The following EFR3B variants were observed in gnomAD, a reference collection of about 807,000 sequenced individuals.
EFR3B encodes protein EFR3 homolog B.
EFR3B carries 64 observed loss-of-function variants against 104.7 expected under a neutral mutation model. The observed-to-expected ratio is 0.61, with a 90% CI of 0.50 to 0.75. The LOEUF is 0.75. Ranked by LOEUF, EFR3B falls within the 30% of genes least tolerant of loss-of-function variation. EFR3B has a pLI of 0.00. For missense variants in EFR3B, 750 were observed against 1,078.5 expected (o/e 0.70, Z 4.27); for synonymous variants, 385 against 417.9 (o/e 0.92, Z 0.96).
At chr2:25,132,277 G>A (rs908348234) in intron 10 of EFR3B, among the ~76,000 whole-genome samples, 13 of 152,190 alleles carry the variant, frequency 8.5e-5, no homozygotes, top group Middle Eastern at 3.2e-3. Flanking sequence ...AGTCTCAGGC[G>A]AACCTTCTTT....
intron 1 of EFR3B, among the ~76,000 whole-genome samples, chr2:25,063,044 C>T (rs1168211945): frequency 6.6e-6 from 1 of 152,180 alleles, no homozygotes; most frequent in Admixed American, 6.5e-5. Context: ...CTGCCTCAGC[C>T]TCCCGAGTAG....
At chr2:25,135,244 G>A (rs1216156313) in intron 12 of EFR3B, among the ~76,000 whole-genome samples, 7 of 152,108 alleles carry the variant, frequency 4.6e-5, no homozygotes, top group Admixed American at 1.3e-4. Context: ...GTCCCTGCAC[G>A]CTGTCCCCAT....
intron 1 of EFR3B, among the ~76,000 whole-genome samples, chr2:25,078,630 A>G (rs1337834639): frequency 6.6e-6 from 1 of 152,220 alleles, no homozygotes; most frequent in Non-Finnish European, 1.5e-5. Flanking sequence ...AGGTCAGAAG[A>G]AAATGAGACC....
At chr2:25,135,679 G>C in intron 13 of EFR3B, 40 bp downstream of exon 13, 1 of 1,549,880 alleles carries the variant, frequency 6.5e-7, no homozygotes, top group Non-Finnish European at 8.7e-7. Flanking sequence ...GCAAGATGGG[G>C]AGAGGACTCT....
chr2:25,111,448 A>G (rs966810591), intron 4 of EFR3B, among the ~76,000 whole-genome samples: 1 of 151,090 alleles, frequency 6.6e-6, no homozygotes, highest in Non-Finnish European at 1.5e-5. Context: ...CACTCCCTTC[A>G]CTTCCTCAGG....
intron 1 of EFR3B, among the ~76,000 whole-genome samples, chr2:25,048,556 G>A (rs1667782429): frequency 6.6e-6 from 1 of 152,126 alleles, no homozygotes; most frequent in Non-Finnish European, 1.5e-5. Flanking sequence ...CCCTTCAAAT[G>A]GATTGGTCAA....
At chr2:25,142,315 C>T (rs1232456859) in intron 17 of EFR3B, among the ~76,000 whole-genome samples, 4 of 151,840 alleles carry the variant, frequency 2.6e-5, no homozygotes, top group African/African-American at 7.2e-5. Flanking sequence ...TGGTGGCGCA[C>T]ACCTGTAGTC....
intron 6 of EFR3B, among the ~76,000 whole-genome samples, chr2:25,129,264 C>T (rs1416379949): frequency 6.7e-6 from 1 of 149,230 alleles, no homozygotes; most frequent in African/African-American, 2.5e-5. Flanking sequence ...GCTATCTGTG[C>T]ACTAGGCTAG....
intron 4 of EFR3B, among the ~76,000 whole-genome samples, chr2:25,120,416 C>T (rs566361426): frequency 8.6e-5 from 13 of 151,966 alleles, no homozygotes; most frequent in East Asian, 3.9e-4. Context: ...GAGGCTGAGG[C>T]GGGCGGATCA....
chr2:25,110,265 C>A (rs2149195185), intron 4 of EFR3B, among the ~76,000 whole-genome samples: 1 of 152,296 alleles, frequency 6.6e-6, no homozygotes, highest in Non-Finnish European at 1.5e-5. Context: ...AGCCACCCGG[C>A]CTTCTCTACC....
chr2:25,106,279 A>G (rs1573206688), intron 4 of EFR3B, among the ~76,000 whole-genome samples: 2 of 149,654 alleles, frequency 1.3e-5, no homozygotes, highest in Non-Finnish European at 3.0e-5. Flanking sequence ...TACTTCATCC[A>G]GTAGCCACCT....
Position 25,046,506 on chromosome 2 carries a change from C to CTTTTTTTTTTTTTTTTTTTTTTTT in EFR3B, c.7+4203_7+4204insTTTTTTTTTTTTTTTTTTTTTTTT, listed in dbSNP as rs531667109. On this transcript the variant is annotated intron_variant, in intron 1 of 22. Coordinates refer to ENST00000403714, the MANE Select transcript of EFR3B (RefSeq NM_014971.2). ...GCAGGCTCCCCCTGAAGTACAAAGT[C>CTTTTTTTTTTTTTTTTTTTTTTTT]TTTTTTTTTTTTTTTTGAGACGGAG... Among the ~76,000 whole-genome samples the CTTTTTTTTTTTTTTTTTTTTTTTT allele has an allele frequency of 8.4e-5, 10 of 119,112 alleles. 1 individual carries two copies. In the South Asian group the frequency reaches 1.9e-3, roughly 22 times the overall value. The allele number at this position is 119,112 out of a possible 152,430, so 78.1% of individuals were successfully genotyped here. A position where few individuals can be genotyped will look rare whatever the true frequency, so the allele number is the denominator to read the frequency against.
At chr2:25,054,166 C>G (rs556990680) in intron 1 of EFR3B, among the ~76,000 whole-genome samples, 1 of 152,294 alleles carries the variant, frequency 6.6e-6, no homozygotes, top group African/African-American at 2.4e-5. Context: ...GTTCATCTTT[C>G]CCTGAGCTCA....
chr2:25,120,092 TG>T (rs1669971494), intron 4 of EFR3B, among the ~76,000 whole-genome samples: 1 of 152,148 alleles, frequency 6.6e-6, no homozygotes, highest in African/African-American at 2.4e-5. Flanking sequence ...CGGGGGCTGA[TG>T]CCTATAATCC....
intron 6 of EFR3B, among the ~76,000 whole-genome samples, chr2:25,128,960 C>CAAAAAAAA (rs1170505822): frequency 4.9e-4 from 13 of 26,688 alleles, no homozygotes; most frequent in Admixed American, 7.0e-4. Context: ...GACTCCGTCT[C>CAAAAAAAA]AAAAAAAAAA....
chr2:25,120,944 C>A (rs1229038389), intron 4 of EFR3B, among the ~76,000 whole-genome samples: 2 of 152,114 alleles, frequency 1.3e-5, no homozygotes, highest in Non-Finnish European at 2.9e-5. Context: ...CTCTATCGCC[C>A]AGGCTGGAGC....
At chr2:25,148,995 A>G (rs1246966896) in intron 19 of EFR3B, among the ~76,000 whole-genome samples, 2 of 149,832 alleles carry the variant, frequency 1.3e-5, no homozygotes, top group Non-Finnish European at 3.0e-5. Flanking sequence ...CTGAGATTCT[A>G]TTCACCACCT....
chr2:25,074,477 A>G (rs1465659351), intron 1 of EFR3B, among the ~76,000 whole-genome samples: 4 of 151,790 alleles, frequency 2.6e-5, no homozygotes, highest in African/African-American at 9.7e-5. Context: ...AGGCAGGAGA[A>G]TCGCTTGAAC....
intron 1 of EFR3B, among the ~76,000 whole-genome samples, chr2:25,084,059 A>G (rs1313132750): frequency 6.6e-6 from 1 of 150,712 alleles, no homozygotes; most frequent in Non-Finnish European, 1.5e-5. Flanking sequence ...TTCAGATTCT[A>G]GTCTGCCATT....
Sources: gnomAD v4.1 joint callset for allele counts (sites outside exome capture counted in the v4.1 genomes callset) on GRCh38, gnomAD v4.1.1 for gene constraint, MANE v1.5 for transcripts, NCBI Gene and HGNC (gene_info 2026-07-23, HGNC 2026-07-21) for gene names.